PLPPR5: variants seen among roughly 807,000 people sequenced by gnomAD.
PLPPR5 encodes the protein phospholipid phosphatase related 5.
Under a neutral mutation model 33.9 loss-of-function variants are expected in PLPPR5, and 16 were observed. The observed-to-expected ratio is 0.47, with a 90% CI of 0.32 to 0.72. PLPPR5 has a LOEUF of 0.72. Ranked by LOEUF, PLPPR5 falls within the 30% of genes least tolerant of loss-of-function variation. PLPPR5 has a pLI of 0.03. For missense variants in PLPPR5, 301 were observed against 406.7 expected (o/e 0.74, Z 2.23); for synonymous variants, 163 against 150.3 (o/e 1.08, Z -0.62).
At chr1:98,935,635 CTG>C (rs1025900662) in intron 3 of PLPPR5, among the ~76,000 whole-genome samples, 2 of 152,130 alleles carry the variant, frequency 1.3e-5, no homozygotes, top group Non-Finnish European at 2.9e-5. Context: ...GTGGGTGTCA[CTG>C]TAAGTAAGTT....
chr1:98,973,648 C>T (rs1419041252), intron 1 of PLPPR5, among the ~76,000 whole-genome samples: 1 of 151,776 alleles, frequency 6.6e-6, no homozygotes, highest in Non-Finnish European at 1.5e-5. Flanking sequence ...CCAGAACTGA[C>T]CCAGGGAAAC....
At chr1:98,920,937 T>TAG (rs1333769953) in intron 4 of PLPPR5, among the ~76,000 whole-genome samples, 2 of 152,156 alleles carry the variant, frequency 1.3e-5, no homozygotes, top group African/African-American at 2.4e-5. Context: ...TGCACATGAA[T>TAG]AGAGGGAAGT....
chr1:98,989,150 A>G (rs1214364102), intron 1 of PLPPR5, among the ~76,000 whole-genome samples: 2 of 152,132 alleles, frequency 1.3e-5, no homozygotes, highest in Non-Finnish European at 2.9e-5. Context: ...GTAGGAACTC[A>G]GTTGCAAAAA....
chr1:98,972,250 C>G (rs369658037), intron 1 of PLPPR5, among the ~76,000 whole-genome samples: 14 of 152,074 alleles, frequency 9.2e-5, no homozygotes, highest in African/African-American at 3.4e-4. Context: ...TTCTGCAATC[C>G]AATACCAAAT....
At chr1:98,930,322 A>G (rs1305361707) in intron 3 of PLPPR5, among the ~76,000 whole-genome samples, 1 of 152,168 alleles carries the variant, frequency 6.6e-6, no homozygotes, top group Non-Finnish European at 1.5e-5. Flanking sequence ...AATCTTTAGG[A>G]CTCAAAATAT....
At chr1:98,931,662 A>T (rs1649970873) in intron 3 of PLPPR5, among the ~76,000 whole-genome samples, 1 of 151,984 alleles carries the variant, frequency 6.6e-6, no homozygotes, top group Admixed American at 6.6e-5. Context: ...GCTGAAAATG[A>T]CTCAGTGTGT....
At chr1:98,985,402 C>A (rs997242447) in intron 1 of PLPPR5, among the ~76,000 whole-genome samples, 1 of 151,982 alleles carries the variant, frequency 6.6e-6, no homozygotes, top group African/African-American at 2.4e-5. Context: ...GTTTCAAAAC[C>A]TTTTTGGTGG....
chr1:98,938,600 A>T (rs1288331745), intron 3 of PLPPR5, among the ~76,000 whole-genome samples: 1 of 150,898 alleles, frequency 6.6e-6, no homozygotes, highest in African/African-American at 2.4e-5. Flanking sequence ...ATATCATTCT[A>T]TCACAAAGAC....
intron 3 of PLPPR5, among the ~76,000 whole-genome samples, chr1:98,926,165 G>A (rs1035939802): frequency 6.6e-6 from 1 of 152,062 alleles, no homozygotes; most frequent in East Asian, 1.9e-4. Flanking sequence ...CCCTCAGTAT[G>A]GGAATAACTC....
At chr1:98,900,253 C>A (rs181644060) in intron 5 of PLPPR5, among the ~76,000 whole-genome samples, 1 of 152,140 alleles carries the variant, frequency 6.6e-6, no homozygotes, top group Non-Finnish European at 1.5e-5. Context: ...TGCCCTCGTG[C>A]CCTTATCTTG....
At chr1:98,992,381 T>G (rs1006099873) in intron 1 of PLPPR5, among the ~76,000 whole-genome samples, 2 of 152,166 alleles carry the variant, frequency 1.3e-5, no homozygotes, top group African/African-American at 4.8e-5. Flanking sequence ...TGCTTTTCTC[T>G]TAAATTTATA....
chr1:98,919,908 G>A (rs1323440599), intron 4 of PLPPR5, among the ~76,000 whole-genome samples: 9 of 152,092 alleles, frequency 5.9e-5, no homozygotes, highest in Admixed American at 1.3e-4. Flanking sequence ...ATCCTTTAGG[G>A]AGGCTGTTAT....
intron 5 of PLPPR5, among the ~76,000 whole-genome samples, chr1:98,898,780 T>C (rs1260918621): frequency 1.3e-5 from 2 of 152,176 alleles, no homozygotes; most frequent in African/African-American, 4.8e-5. Flanking sequence ...TGTACAGTGG[T>C]TCTGTTTCAG....
intron 3 of PLPPR5, among the ~76,000 whole-genome samples, chr1:98,950,546 G>T (rs309083): frequency 0.69 from 105,086 of 152,142 alleles, 37,001 homozygotes; most frequent in East Asian, 0.95. Context: ...CAATAATACT[G>T]TCTCCTGTAG....
intron 3 of PLPPR5, among the ~76,000 whole-genome samples, chr1:98,947,660 T>A (rs1650606948): frequency 6.6e-6 from 1 of 152,140 alleles, no homozygotes; most frequent in South Asian, 2.1e-4. Context: ...ACAGGGTTAA[T>A]AATGAAAGGG....
chr1:98,931,975 G>T (rs867579926), intron 3 of PLPPR5, among the ~76,000 whole-genome samples: 1 of 152,172 alleles, frequency 6.6e-6, no homozygotes, highest in Non-Finnish European at 1.5e-5. Context: ...GGCCAGAACT[G>T]TTGGTTAATT....
intron 1 of PLPPR5, among the ~76,000 whole-genome samples, chr1:98,991,622 A>G (rs1652453635): frequency 6.6e-6 from 1 of 152,218 alleles, no homozygotes; most frequent in African/African-American, 2.4e-5. Context: ...AGAACTGAAA[A>G]GTAACTTCAA....
intron 1 of PLPPR5, among the ~76,000 whole-genome samples, chr1:98,973,210 A>G (rs1434364929): frequency 6.6e-6 from 1 of 152,126 alleles, no homozygotes; most frequent in Non-Finnish European, 1.5e-5. Flanking sequence ...TTTAATCGTT[A>G]CAAAGACCCT....
intron 3 of PLPPR5, among the ~76,000 whole-genome samples, chr1:98,950,065 A>G (rs1457867259): frequency 6.6e-6 from 1 of 152,226 alleles, no homozygotes; most frequent in Non-Finnish European, 1.5e-5. Context: ...AGAATTCAGC[A>G]GCAGATGCAC....
Sources: allele counts gnomAD v4.1 joint callset (sites outside exome capture counted in the v4.1 genomes callset), GRCh38; gene constraint gnomAD v4.1.1; transcripts MANE v1.5; gene names NCBI Gene and HGNC (gene_info 2026-07-23, HGNC 2026-07-21).